SLC9A9: variants seen among roughly 807,000 people sequenced by gnomAD.
SLC9A9 encodes the protein sodium/hydrogen exchanger 9.
Under a neutral mutation model 77.8 loss-of-function variants are expected in SLC9A9, and 62 were observed. The ratio of observed to expected loss-of-function variants is 0.80; its 90% CI spans 0.65 to 0.98. SLC9A9 has a LOEUF of 0.98. Ranked by LOEUF, SLC9A9 falls within the 50% of genes least tolerant of loss-of-function variation. The pLI, the probability that SLC9A9 is intolerant of heterozygous loss-of-function variation, is 0.00. For synonymous variants in SLC9A9, 320 were observed against 283.5 expected (o/e 1.13, Z -1.29); for missense variants, 775 against 774.9 (o/e 1.00, Z 0.00).
rs141105678 is a variant in SLC9A9 at position 143,467,174 on chromosome 3, G to A, written c.1332C>T (p.Ile444=). 1.7e-5 allele frequency: 28 copies of A among 1,614,184 alleles called. No homozygotes were observed. Among genetic ancestry groups the A allele is most frequent in the Non-Finnish European group, 2.3e-5 (27 of 1,180,022 alleles). ...MMMFSGLRGA[I]AFALAIRNTE... ...TGTTCCGAATAGCTAAGGCAAATGCGATCGCTCCTCGCAAACCTTGCAGGA... is the reference window on the plus strand; with the variant it reads ...TGTTCCGAATAGCTAAGGCAAATGCAATCGCTCCTCGCAAACCTTGCAGGA... The change falls in exon 12 of 16, where the codon ATC becomes ATT. Residue 444 remains isoleucine (I), a synonymous_variant. Coordinates refer to ENST00000316549, the MANE Select transcript of SLC9A9 (RefSeq NM_173653.4).
At chr3:143,721,760 T>A (rs1349358256) in intron 4 of SLC9A9, among the ~76,000 whole-genome samples, 1 of 151,744 alleles carries the variant, frequency 6.6e-6, no homozygotes, top group Non-Finnish European at 1.5e-5. Context: ...TCAGCAGTGG[T>A]GGAGAGGGAG....
intron 12 of SLC9A9, among the ~76,000 whole-genome samples, chr3:143,411,901 C>A (rs528378183): frequency 6.6e-6 from 1 of 152,248 alleles, no homozygotes; most frequent in South Asian, 2.1e-4. Flanking sequence ...ATGCCGGTAA[C>A]TATTCTTGTG....
chr3:143,484,876 A>T (rs1375004240), intron 11 of SLC9A9, among the ~76,000 whole-genome samples: 2 of 152,196 alleles, frequency 1.3e-5, no homozygotes, highest in Non-Finnish European at 2.9e-5. Context: ...AAAAGAGACC[A>T]ATAATGGGAT....
chr3:143,723,883 C>G (rs957416226), intron 4 of SLC9A9, among the ~76,000 whole-genome samples: 2 of 152,146 alleles, frequency 1.3e-5, no homozygotes, highest in Non-Finnish European at 2.9e-5. Flanking sequence ...TAACAAGATT[C>G]CCAGGTGATT....
intron 2 of SLC9A9, among the ~76,000 whole-genome samples, chr3:143,800,969 A>C (rs1169751904): frequency 6.6e-6 from 1 of 152,156 alleles, no homozygotes; most frequent in Non-Finnish European, 1.5e-5. Context: ...TCTACAAAAC[A>C]ACAACTCCTT....
At chr3:143,423,236 CACACGCGCGTGT>C (rs1158661486) in intron 12 of SLC9A9, among the ~76,000 whole-genome samples, 2 of 139,106 alleles carry the variant, frequency 1.4e-5, no homozygotes, top group East Asian at 4.4e-4. Context: ...CACACGTGTA[CACACGCGCGTGT>C]ACACACACAC....
At chr3:143,621,635 C>A (rs2038214746) in intron 6 of SLC9A9, among the ~76,000 whole-genome samples, 1 of 152,038 alleles carries the variant, frequency 6.6e-6, no homozygotes, top group Non-Finnish European at 1.5e-5. Context: ...CATCAAAGAC[C>A]AAAGGTAGAG....
At chr3:143,393,651 T>A (rs1313368997) in intron 12 of SLC9A9, among the ~76,000 whole-genome samples, 3 of 151,882 alleles carry the variant, frequency 2.0e-5, no homozygotes, top group Non-Finnish European at 4.4e-5. Context: ...AAAAAATCAA[T>A]GAATACAGGA....
At chr3:143,456,418 T>A (rs1443325356) in intron 12 of SLC9A9, among the ~76,000 whole-genome samples, 2 of 152,202 alleles carry the variant, frequency 1.3e-5, no homozygotes, top group Non-Finnish European at 2.9e-5. Context: ...TTAAAATGAG[T>A]TGGAAGATAT....
intron 2 of SLC9A9, among the ~76,000 whole-genome samples, chr3:143,812,634 C>A (rs978834355): frequency 6.6e-6 from 1 of 152,098 alleles, no homozygotes; most frequent in Non-Finnish European, 1.5e-5. Flanking sequence ...TGAATATGGA[C>A]GGAAATAATA....
chr3:143,578,953 T>G (rs1387213473), intron 6 of SLC9A9, among the ~76,000 whole-genome samples: 4 of 152,202 alleles, frequency 2.6e-5, no homozygotes, highest in African/African-American at 9.7e-5. Flanking sequence ...CAGTAAACAT[T>G]TTTATATTGG....
chr3:143,397,414 T>TTA (rs1427511303), intron 12 of SLC9A9, among the ~76,000 whole-genome samples: 1 of 152,154 alleles, frequency 6.6e-6, no homozygotes, highest in Non-Finnish European at 1.5e-5. Context: ...GAGGGACATT[T>TTA]TATCACGGAA....
chr3:143,364,798 C>T (rs1160322752), intron 13 of SLC9A9, among the ~76,000 whole-genome samples: 3 of 152,070 alleles, frequency 2.0e-5, no homozygotes, highest in African/African-American at 7.2e-5. Context: ...AAATTAAAAC[C>T]CAAACTTTTG....
At chr3:143,320,649 C>T (rs772032877) in intron 14 of SLC9A9, among the ~76,000 whole-genome samples, 2 of 152,196 alleles carry the variant, frequency 1.3e-5, no homozygotes, top group African/African-American at 2.4e-5. Context: ...AAAGGGATGG[C>T]ACTAAGCCAT....
In SLC9A9 at chr3:143,767,376, A is replaced by ATGTGTGTGTGTGTGTG. The variant is rs142594079; in HGVS notation, c.533+27609_533+27624dup. ...TTTGTGAAACAGTAAGTGTCTGTGT[A>ATGTGTGTGTGTGTGTG]TGTGTGTGTGTGTGTGTGTGTGTGT... is the stretch of plus-strand genomic sequence containing the variant. On this transcript the variant is annotated intron_variant, in intron 4 of 15. Coordinates refer to ENST00000316549, the MANE Select transcript of SLC9A9 (RefSeq NM_173653.4). Among the ~76,000 whole-genome samples the ATGTGTGTGTGTGTGTG allele has an allele frequency of 1.9e-3, 262 of 141,362 alleles. 1 individual carries two copies. Among genetic ancestry groups the ATGTGTGTGTGTGTGTG allele is most frequent in the African/African-American group, 6.6e-3 (254 of 38,756 alleles). 92.7% of individuals were successfully genotyped at this position (141,362 alleles called of 152,430 possible).
intron 2 of SLC9A9, among the ~76,000 whole-genome samples, chr3:143,809,213 T>G (rs972256091): frequency 2.6e-5 from 4 of 152,236 alleles, no homozygotes; most frequent in African/African-American, 9.6e-5. Context: ...ATCCCTTGCC[T>G]CAGCAGTTTT....
chr3:143,821,216 C>A (rs546382280), intron 2 of SLC9A9, among the ~76,000 whole-genome samples: 1 of 152,212 alleles, frequency 6.6e-6, no homozygotes, highest in Non-Finnish European at 1.5e-5. Context: ...CTCCATCACA[C>A]GCTCCTCAGA....
At chr3:143,328,676 C>G (rs2031676793) in intron 14 of SLC9A9, among the ~76,000 whole-genome samples, 1 of 152,180 alleles carries the variant, frequency 6.6e-6, no homozygotes. Context: ...TTGAACTTTT[C>G]CAGCCTTCAC....
chr3:143,505,709 T>C (rs1033573606), intron 9 of SLC9A9, among the ~76,000 whole-genome samples: 1 of 152,172 alleles, frequency 6.6e-6, no homozygotes, highest in Non-Finnish European at 1.5e-5. Flanking sequence ...GCACAGCCTA[T>C]AAAAACACAA....
Sources: allele counts gnomAD v4.1 joint callset (sites outside exome capture counted in the v4.1 genomes callset), GRCh38; gene constraint gnomAD v4.1.1; transcripts MANE v1.5; gene names NCBI Gene and HGNC (gene_info 2026-07-23, HGNC 2026-07-21).